STX1B: variants seen among roughly 807,000 people sequenced by gnomAD.
The protein encoded by STX1B is syntaxin 1B.
Under a neutral mutation model 39.4 loss-of-function variants are expected in STX1B, and 7 were observed. The ratio of observed to expected loss-of-function variants is 0.18; its 90% confidence interval spans 0.10 to 0.33. STX1B has a LOEUF of 0.33. STX1B is among the 10% of genes least tolerant of loss of function. The pLI, the probability that STX1B is intolerant of heterozygous loss-of-function variation, is 1.00. For synonymous variants in STX1B, 136 were observed against 144.1 expected, an observed-to-expected ratio of 0.94 and a Z score of 0.40; for missense variants, 198 against 383.2, an observed-to-expected ratio of 0.52 and a Z score of 4.04.
rs2056675840 is a variant in STX1B at position 31,010,464 on chromosome 16, T to A, written c.-68A>T. ...GCTGCTGCTCCGGGTCTCCCGCCTC[T>A]GTGCCGGAGGCCGGGGTCTGGGGGC... On this transcript the variant is annotated 5_prime_UTR_variant, in exon 1 of 10. Coordinates refer to ENST00000215095, the MANE Select transcript of STX1B (RefSeq NM_052874.5). The A allele has an allele frequency of 7.7e-6, 9 of 1,172,270 alleles. No individual in the cohort carries two copies. The highest frequency in any genetic ancestry group is 9.9e-6 in the Non-Finnish European group (9 of 908,266). The allele number at this position is 1,172,270 out of a possible 1,614,324, so 72.6% of individuals were successfully genotyped here.
chr16:31,010,456 C>T lies in STX1B; in HGVS notation c.-60G>A, dbSNP rs1295690067. On this transcript the variant is annotated 5_prime_UTR_variant, in exon 1 of 10. Transcript: ENST00000215095. ...CTGCCTCTGCTGCTGCTCCGGGTCT[C>T]CCGCCTCTGTGCCGGAGGCCGGGGT... 3 of 1,316,480 alleles carry T rather than the reference C, an allele frequency of 2.3e-6. No individual in the cohort carries two copies. The highest frequency in any genetic ancestry group is 1.5e-5 in the African/African-American group (1 of 66,632). 81.5% of individuals were successfully genotyped at this position (1,316,480 alleles called of 1,614,324 possible).
At chr16:31,000,140 G>A (rs1460076468) in intron 4 of STX1B, among the ~76,000 whole-genome samples, 2 of 151,464 alleles carry the variant, frequency 1.3e-5, no homozygotes, top group Non-Finnish European at 2.9e-5. Context: ...TGGGATTACA[G>A]GCGCCTGCCA....
At chr16:31,000,878 G>T (rs751543922) in intron 4 of STX1B, 50 bp downstream of exon 4, 2 of 1,598,014 alleles carry the variant, frequency 1.3e-6, no homozygotes, top group Non-Finnish European at 1.7e-6. Context: ...GAGCCACCAT[G>T]CTCCACCCAC....
chr16:30,993,917 C>T (rs1179780753), intron 7 of STX1B, among the ~76,000 whole-genome samples: 1 of 149,382 alleles, frequency 6.7e-6, no homozygotes, highest in African/African-American at 2.5e-5. Context: ...CCCGGGGGGG[C>T]AGAGGTTGCA....
In STX1B at chr16:30,993,371, G is replaced by A; in HGVS notation, c.651C>T (p.Asp217=). ...SIRELHDMFV[D]MAMLVESQGE... ...CCTGGCTCTCTACGAGCATGGCCAT[G>A]TCCACAAACATATCGTGCAGCTCGC... Residue 217 remains aspartate, a synonymous_variant, in exon 8 of 10, where the codon GAC becomes GAT. Coordinates refer to ENST00000215095, the MANE Select transcript of STX1B (RefSeq NM_052874.5). The A allele has an allele frequency of 6.2e-7, 1 of 1,614,196 alleles. No homozygotes were observed. Among genetic ancestry groups the A allele is most frequent in the Non-Finnish European group, 8.5e-7 (1 of 1,180,050 alleles).
At chr16:30,993,521 T>C (rs1596714826) in intron 7 of STX1B, 37 bp from the exon 8 acceptor site, 2 of 1,609,500 alleles carry the variant, frequency 1.2e-6, no homozygotes, top group Non-Finnish European at 1.7e-6. Flanking sequence ...ATCACCCTTC[T>C]CCGCCATGAG....
At position 30,989,488 on chromosome 16, in the gene STX1B, G is replaced by A. The variant is rs13708; in HGVS notation, c.*3333C>T. ...CGGCCTGGCTCTGGGCCCCAGCCAG[G>A]CCCCAGGAGTCCTGTCCCCTCTGAG... On this transcript the variant is annotated 3_prime_UTR_variant, in exon 10 of 10. Transcript: ENST00000215095. 0.53 allele frequency: 80,350 copies of A among 151,902 alleles called. 23,557 individuals carry two copies. Among genetic ancestry groups the A allele is most frequent in the East Asian group, 0.91 (4,658 of 5,136 alleles). 9.4% of individuals were successfully genotyped at this position (151,902 alleles called of 1,614,324 possible). A position where few individuals can be genotyped will look rare whatever the true frequency, so the allele number is the denominator to read the frequency against.
At chr16:31,002,452 G>A (rs970724255) in intron 1 of STX1B, among the ~76,000 whole-genome samples, 11 of 152,148 alleles carry the variant, frequency 7.2e-5, no homozygotes, top group Non-Finnish European at 1.3e-4. Flanking sequence ...ACACCCACAC[G>A]GAGATGCACT....
At position 30,990,302 on chromosome 16, in the gene STX1B, C is replaced by G. The variant is rs2056545368; in HGVS notation, c.*2519G>C. 6.6e-6 allele frequency: 1 copy of G among 152,290 alleles called. No homozygotes were observed. Among genetic ancestry groups the G allele is most frequent in the Non-Finnish European group, 1.5e-5 (1 of 68,120 alleles). 9.4% of individuals were successfully genotyped at this position (152,290 alleles called of 1,614,324 possible). The stretch of plus-strand genomic sequence containing the variant: ...TCTCCCAAGCAGCCCGAGATGGGAG[C>G]AGGAGGGCCGTGGCCAGACTTGGGG... On this transcript the variant is annotated 3_prime_UTR_variant, in exon 10 of 10. Coordinates refer to ENST00000215095, the MANE Select transcript of STX1B (RefSeq NM_052874.5).
chr16:30,997,394 T>G, intron 5 of STX1B, 108 bp downstream of exon 5: 1 of 262,714 alleles, frequency 3.8e-6, no homozygotes, highest in Non-Finnish European at 6.9e-6. Context: ...GCCCCAGCCC[T>G]CCCTGACCAC....
At chr16:31,005,203 A>G (rs1289367259) in intron 1 of STX1B, among the ~76,000 whole-genome samples, 1 of 152,150 alleles carries the variant, frequency 6.6e-6, no homozygotes, top group Non-Finnish European at 1.5e-5. Flanking sequence ...CCGTGCTCTG[A>G]GTGATGCATA....
At position 30,992,664 on chromosome 16, in the gene STX1B, T is replaced by A; in HGVS notation, c.*157A>T. 4.9e-6 allele frequency: 2 copies of A among 412,100 alleles called. No individual in the cohort carries two copies. The highest frequency in any genetic ancestry group is 2.8e-5 in the South Asian group (1 of 35,134). 25.5% of individuals were successfully genotyped at this position (412,100 alleles called of 1,614,324 possible). ...GACGGGGGGGGGGTCCATGGCCCGG[T>A]GAGGTCCAGGGACACCAGGGTCTGC... On this transcript the variant is annotated 3_prime_UTR_variant, in exon 10 of 10. Transcript: ENST00000215095.
chr16:30,997,243 G>A (rs1162956752), intron 5 of STX1B, among the ~76,000 whole-genome samples, 184 bp from the exon 6 acceptor site: 2 of 152,148 alleles, frequency 1.3e-5, no homozygotes, highest in African/African-American at 4.8e-5. Flanking sequence ...CAAGTTCATG[G>A]TTCCCTACCC....
intron 4 of STX1B, among the ~76,000 whole-genome samples, chr16:30,997,822 A>T (rs2056604093): frequency 6.6e-6 from 1 of 152,188 alleles, no homozygotes; most frequent in Non-Finnish European, 1.5e-5. Flanking sequence ...GGGTCACCAG[A>T]CAGAAGGGGG....
chr16:30,996,563 C>T (rs1001972121), intron 7 of STX1B, 120 bp downstream of exon 7: 32 of 907,946 alleles, frequency 3.5e-5, no homozygotes, highest in Admixed American at 6.5e-5. Flanking sequence ...CCCCAGTTCC[C>T]GGCTCAGGCT....
chr16:31,006,772 G>A (rs1295190784), intron 1 of STX1B, among the ~76,000 whole-genome samples: 1 of 152,098 alleles, frequency 6.6e-6, no homozygotes, highest in African/African-American at 2.4e-5. Flanking sequence ...AACAGCATGC[G>A]CGAAGGTCCT....
rs1398592311 is a variant in STX1B, at chr16:31,001,379, C to T, written c.105+150G>A. 9 of 607,886 alleles carry T rather than the reference C, an allele frequency of 1.5e-5. No homozygotes were observed. The highest frequency in any genetic ancestry group is 9.4e-5 in the South Asian group (4 of 42,528). The allele number at this position is 607,886 out of a possible 1,614,324, so 37.7% of individuals were successfully genotyped here. Reference sequence around the variant, plus strand: ...TTGTCGGTGGCTAGGGGCTGGGTGCCGGGGCTGCGGCTGGGCGGTGGGACT... The same window carrying T: ...TTGTCGGTGGCTAGGGGCTGGGTGCTGGGGCTGCGGCTGGGCGGTGGGACT... On this transcript the variant is annotated intron_variant, in intron 2 of 9. Coordinates refer to ENST00000215095, the MANE Select transcript of STX1B (RefSeq NM_052874.5). The surrounding 1 kb of genome is among the most constrained non-coding windows in gnomAD (Gnocchi z 5.5).
chr16:30,992,989 A>G (rs2056571254), intron 9 of STX1B, 88 bp from the exon 10 acceptor site: 1 of 1,331,116 alleles, frequency 7.5e-7, no homozygotes, highest in Non-Finnish European at 1.1e-6. Context: ...AGAGGGTGGC[A>G]GGGAGAAGAG....
At chr16:31,006,043 G>A (rs368136078) in intron 1 of STX1B, among the ~76,000 whole-genome samples, 13 of 152,308 alleles carry the variant, frequency 8.5e-5, no homozygotes, top group African/African-American at 3.1e-4. Context: ...ATGGTGAGAC[G>A]GTGACAAAAA....
Sources: gnomAD v4.1 joint callset for allele counts (sites outside exome capture counted in the v4.1 genomes callset) on GRCh38, gnomAD v4.1.1 for gene constraint, Gnocchi (gnomAD v3.1) non-coding constraint, MANE v1.5 for transcripts, NCBI Gene and HGNC (gene_info 2026-07-23, HGNC 2026-07-21) for gene names.